Variants in EVL observed in about 807,000 individuals in gnomAD.
EVL encodes the protein ena/VASP-like protein.
EVL carries 21 observed loss-of-function variants against 59.6 expected under a neutral mutation model. The ratio of observed to expected loss-of-function variants is 0.35; its 90% CI spans 0.25 to 0.51. The LOEUF is 0.51. Ranked by LOEUF, EVL falls within the 20% of genes least tolerant of loss-of-function variation. The probability of loss-of-function intolerance (pLI) is 0.97; values close to 1 mark genes in which losing one functional copy is unlikely to be tolerated. For synonymous variants in EVL, 198 were observed against 203.5 expected (o/e 0.97, Z 0.23); for missense variants, 462 against 546.6 (o/e 0.85, Z 1.54).
Position 100,109,440 on chromosome 14 carries a change from A to T in EVL, c.358+11782A>T, listed in dbSNP as rs1167577108. Reference sequence around the variant, plus strand: ...TTGGACCCTGGGTTTGTTTGTCTAGACTGTGAGCTCCTCGAGGGCAGGTGT... The same window carrying T: ...TTGGACCCTGGGTTTGTTTGTCTAGTCTGTGAGCTCCTCGAGGGCAGGTGT... On this transcript the variant is annotated intron_variant, in intron 3 of 13. Coordinates refer to ENST00000392920, the MANE Select transcript of EVL (RefSeq NM_016337.3). This position sits in a 1 kb window ranked among gnomAD's most constrained non-coding sequence, Gnocchi z 4.3. The T allele has an allele frequency of 2.6e-6, 1 of 388,228 alleles. No homozygotes were observed. The highest frequency in any genetic ancestry group is 5.2e-6 in the Non-Finnish European group (1 of 193,282). 24.0% of individuals were successfully genotyped at this position (388,228 alleles called of 1,614,324 possible).
At chr14:100,003,632 GTC>G (rs1423679752) in intron 1 of EVL, among the ~76,000 whole-genome samples, 4 of 152,040 alleles carry the variant, frequency 2.6e-5, no homozygotes, top group Non-Finnish European at 4.4e-5. Context: ...GGCCATGCTG[GTC>G]TCAAACTCCT....
At chr14:99,988,579 G>A (rs1037158218) in intron 1 of EVL, among the ~76,000 whole-genome samples, 4 of 152,144 alleles carry the variant, frequency 2.6e-5, no homozygotes, top group East Asian at 1.9e-4. Flanking sequence ...AGTTCCACTC[G>A]TAGGCAGATA....
chr14:99,988,196 G>A (rs2060851779), intron 1 of EVL, among the ~76,000 whole-genome samples: 1 of 152,052 alleles, frequency 6.6e-6, no homozygotes, highest in South Asian at 2.1e-4. Flanking sequence ...GATTACAGGT[G>A]TGAGCCGCCG....
chr14:100,143,720 T>C lies in EVL; in HGVS notation c.1239T>C (p.Ser413=), dbSNP rs749854115. 1.6e-5 allele frequency: 25 copies of C among 1,612,188 alleles called. No homozygotes were observed. Among genetic ancestry groups the C allele is most frequent in the East Asian group, 2.2e-5 (1 of 44,860 alleles). ...CCGCAGCCATCAGGCAGGAGCTGAG[T>C]GGGATCAGCACCACGTAAGGGGCCG... ...EIIDAIRQEL[S]GISTT Residue 413 remains serine, a synonymous_variant, in exon 14 of 14, where the codon AGT becomes AGC. Coordinates refer to ENST00000392920, the MANE Select transcript of EVL (RefSeq NM_016337.3).
At chr14:100,073,066 A>G (rs1006043290) in intron 1 of EVL, among the ~76,000 whole-genome samples, 1 of 152,076 alleles carries the variant, frequency 6.6e-6, no homozygotes, top group Non-Finnish European at 1.5e-5. Flanking sequence ...CTGAATTGGG[A>G]CATGGCAACG....
At chr14:100,120,672 C>T (rs1196481340) in intron 3 of EVL, among the ~76,000 whole-genome samples, 1 of 152,176 alleles carries the variant, frequency 6.6e-6, no homozygotes, top group Non-Finnish European at 1.5e-5. Flanking sequence ...TGTCCAGGTG[C>T]AGGAGGTCAG....
chr14:100,106,698 C>T, intron 3 of EVL: 3 of 397,584 alleles, frequency 7.5e-6, no homozygotes, highest in Non-Finnish European at 1.3e-5. Flanking sequence ...AAAAGAGGAC[C>T]ATCGGGCCTG....
Position 100,135,927 on chromosome 14 carries a change from C to A in EVL, c.923C>A (p.Ser308Tyr), listed in dbSNP as rs746386920. Reference protein sequence around the residue: ...SQMEDPSTSPSPGTRAASQPP... With the variant: ...SQMEDPSTSPYPGTRAASQPP... The stretch of plus-strand genomic sequence containing the variant: ...TAGGAAGATCCTAGTACCTCCCCCT[C>A]TCCGGGGACCCGAGCAGCCAGCCAG... Residue 308 changes from serine to tyrosine, a missense_variant, in exon 9 of 14, where the codon TCT (serine) becomes TAT (tyrosine). Transcript: ENST00000392920. 1 of 1,613,864 alleles carries A rather than the reference C, an allele frequency of 6.2e-7. No individual in the cohort carries two copies. Among genetic ancestry groups the A allele is most frequent in the Non-Finnish European group, 8.5e-7 (1 of 1,180,030 alleles).
At chr14:100,139,951 G>A (rs1889056921) in intron 11 of EVL, 1 of 152,270 alleles carries the variant, frequency 6.6e-6, no homozygotes, top group Non-Finnish European at 1.5e-5. Context: ...AGATGCATGT[G>A]TGACACATTA....
chr14:99,990,248 C>T (rs779553516), intron 1 of EVL, among the ~76,000 whole-genome samples: 37 of 152,188 alleles, frequency 2.4e-4, no homozygotes, highest in Non-Finnish European at 4.3e-4. Context: ...TGCTCAGATT[C>T]ATCTTCTGGC....
At chr14:100,006,043 G>T (rs2060978532) in intron 1 of EVL, among the ~76,000 whole-genome samples, 2 of 137,692 alleles carry the variant, frequency 1.5e-5, no homozygotes, top group African/African-American at 5.4e-5. Flanking sequence ...ACACTTTTGT[G>T]TGTGTTGGGG....
At chr14:100,063,876 C>T (rs1009120786), upstream of EVL, among the ~76,000 whole-genome samples, 11 of 152,168 alleles carry the variant, frequency 7.2e-5, no homozygotes, top group African/African-American at 2.7e-4. Flanking sequence ...AGGAAGAAGT[C>T]ACACCAAATA....
intron 1 of EVL, among the ~76,000 whole-genome samples, chr14:99,990,638 C>A (rs184894316): frequency 6.6e-6 from 1 of 152,078 alleles, no homozygotes; most frequent in East Asian, 1.9e-4. Flanking sequence ...AGCATAATGT[C>A]CTTGAGGTTC....
intron 1 of EVL, among the ~76,000 whole-genome samples, chr14:100,016,181 C>G (rs2767357): frequency 0.061 from 9,326 of 152,048 alleles, 474 homozygotes; most frequent in East Asian, 0.28. Flanking sequence ...TAGGAGTGTG[C>G]ATTATCTGAG....
intron 8 of EVL, chr14:100,135,080 T>C (rs986033294): frequency 2.4e-4 from 36 of 152,338 alleles, no homozygotes; most frequent in African/African-American, 8.4e-4. Flanking sequence ...TAATCTGTTA[T>C]TCAGCTGTCT....
At chr14:100,042,687 A>G (rs2061485052) in intron 1 of EVL, among the ~76,000 whole-genome samples, 1 of 152,212 alleles carries the variant, frequency 6.6e-6, no homozygotes, top group Admixed American at 6.5e-5. Flanking sequence ...AATTAATGGT[A>G]GTTATTAGCA....
intron 1 of EVL, among the ~76,000 whole-genome samples, chr14:99,998,861 G>A (rs1185606469): frequency 6.6e-6 from 1 of 152,068 alleles, no homozygotes; most frequent in African/African-American, 2.4e-5. Context: ...TTGGTGTTTA[G>A]AATAATGAAG....
At chr14:100,017,215 T>C (rs929839677) in intron 1 of EVL, among the ~76,000 whole-genome samples, 5 of 152,232 alleles carry the variant, frequency 3.3e-5, no homozygotes, top group African/African-American at 1.2e-4. Flanking sequence ...TTTTTCACCA[T>C]TTCTACCAAC....
chr14:100,081,265 A>G (rs1053607548), intron 1 of EVL, among the ~76,000 whole-genome samples: 5 of 152,258 alleles, frequency 3.3e-5, no homozygotes, highest in African/African-American at 1.2e-4. Flanking sequence ...GTCAATATAT[A>G]TTGCTCAGAG....
Sources: gnomAD v4.1 joint callset for allele counts (sites outside exome capture counted in the v4.1 genomes callset) on GRCh38, gnomAD v4.1.1 for gene constraint, Gnocchi (gnomAD v3.1) non-coding constraint, MANE v1.5 for transcripts, NCBI Gene and HGNC (gene_info 2026-07-23, HGNC 2026-07-21) for gene names.